The following ENPEP variants were observed in gnomAD, a reference collection of about 807,000 sequenced individuals.
ENPEP encodes the protein glutamyl aminopeptidase.
Under a neutral mutation model 114.5 loss-of-function variants are expected in ENPEP, and 103 were observed. The ratio of observed to expected loss-of-function variants is 0.90; its 90% CI spans 0.77 to 1.06. The LOEUF (loss-of-function observed/expected upper bound fraction) is 1.06, where lower values mean the gene tolerates loss of function less well. Among genes scored for constraint, ENPEP ranks in the 50% least tolerant of loss-of-function variants. The pLI, the probability that ENPEP is intolerant of heterozygous loss-of-function variation, is 0.00. For missense variants in ENPEP, 1,196 were observed against 1,161.3 expected (o/e 1.03, Z -0.43); for synonymous variants, 420 against 422.0 (o/e 1.00, Z 0.06).
At chr4:110,540,312 A>C (rs891592187) in intron 11 of ENPEP, among the ~76,000 whole-genome samples, 4 of 152,202 alleles carry the variant, frequency 2.6e-5, no homozygotes, top group African/African-American at 9.6e-5. Flanking sequence ...CACACACAAC[A>C]GGTAAAAAAC....
chr4:110,521,067 A>G (rs913825114), intron 10 of ENPEP, among the ~76,000 whole-genome samples: 1 of 152,130 alleles, frequency 6.6e-6, no homozygotes, highest in African/African-American at 2.4e-5. Flanking sequence ...TATTTGCAGG[A>G]TGGGTGGGCT....
chr4:110,504,272 A>C (rs1560556479), intron 3 of ENPEP, among the ~76,000 whole-genome samples: 1 of 152,176 alleles, frequency 6.6e-6, no homozygotes, highest in Non-Finnish European at 1.5e-5. Flanking sequence ...GAGCAGGGGT[A>C]ACAGGGGGTT....
chr4:110,518,415 C>T (rs1447655244), intron 8 of ENPEP, among the ~76,000 whole-genome samples: 1 of 152,076 alleles, frequency 6.6e-6, no homozygotes, highest in Non-Finnish European at 1.5e-5. Flanking sequence ...CTCACTGATT[C>T]CAACTAATAA....
At chr4:110,540,611 C>T (rs576937815) in intron 11 of ENPEP, among the ~76,000 whole-genome samples, 5 of 152,210 alleles carry the variant, frequency 3.3e-5, no homozygotes, top group Admixed American at 1.3e-4. Flanking sequence ...TCTCAGCTTC[C>T]TCATCTATAA....
Position 110,501,766 on chromosome 4 carries a change from C to T in ENPEP, c.919-4871C>T, listed in dbSNP as rs1021998069. 1.3e-4 allele frequency among the ~76,000 whole-genome samples: 20 copies of T among 152,250 alleles called. No individual in the cohort carries two copies. The East Asian group carries it at 2.7e-3, about 21-fold the overall frequency. The stretch of plus-strand genomic sequence containing the variant: ...GAACGTATGGAGGCCTGTGTCTTTA[C>T]GGCAGAACAGTTTATATTTCCTTGG... On this transcript the variant is annotated intron_variant, in intron 3 of 19. Coordinates refer to ENST00000265162, the MANE Select transcript of ENPEP (RefSeq NM_001977.4).
chr4:110,484,417 C>T (rs1423570253), intron 1 of ENPEP, among the ~76,000 whole-genome samples: 1 of 152,128 alleles, frequency 6.6e-6, no homozygotes, highest in East Asian at 1.9e-4. Flanking sequence ...TGGCTCTGAA[C>T]TTTAAAAAAG....
At chr4:110,553,193 C>A (rs1172385680) in intron 17 of ENPEP, 122 bp from the exon 18 acceptor site, 3 of 827,290 alleles carry the variant, frequency 3.6e-6, no homozygotes, top group East Asian at 5.5e-5. Context: ...ATTTAATTAA[C>A]TTTGTCAGTT....
At chr4:110,503,011 C>T (rs774931405) in intron 3 of ENPEP, among the ~76,000 whole-genome samples, 49 of 152,126 alleles carry the variant, frequency 3.2e-4, no homozygotes, top group Non-Finnish European at 5.9e-4. Flanking sequence ...CCCATTAACT[C>T]GTCATTTACA....
chr4:110,485,825 G>GT lies in ENPEP; in HGVS notation c.645-2705dup, dbSNP rs796072476. On this transcript the variant is annotated intron_variant, in intron 1 of 19. Coordinates refer to ENST00000265162, the MANE Select transcript of ENPEP (RefSeq NM_001977.4). ...TTTAAAAATGCAAGTTAAGTTTTTT[G>GT]TTTTTTTTTTTCTGTCAGGACTATC... Among the ~76,000 whole-genome samples the GT allele has an allele frequency of 1.5e-3, 220 of 144,848 alleles. 1 individual carries two copies. The highest frequency in any genetic ancestry group is 1.6e-3 in the African/African-American group (65 of 39,790).
chr4:110,476,919 G>A lies in ENPEP; in HGVS notation c.505G>A (p.Val169Met), dbSNP rs201187378. The A allele has an allele frequency of 2.1e-5, 34 of 1,614,072 alleles. No individual in the cohort carries two copies. The highest frequency in any genetic ancestry group is 2.6e-5 in the Non-Finnish European group (31 of 1,180,046). The change falls in exon 1 of 20, where the codon GTG becomes ATG. Residue 169 changes from valine to methionine, a missense_variant. Transcript: ENST00000265162. ...RCFEYKKQEY[V>M]VVEAEEELTP... ...TTTCGAGTACAAAAAGCAGGAGTAC[G>A]TGGTGGTCGAGGCGGAGGAAGAGCT...
chr4:110,564,063 T>G lies in ENPEP; in HGVS notation c.*2505T>G, dbSNP rs1727757072. 6.6e-6 allele frequency: 1 copy of G among 151,982 alleles called. No homozygotes were observed. Among genetic ancestry groups the G allele is most frequent in the Non-Finnish European group, 1.5e-5 (1 of 68,006 alleles). The allele number at this position is 151,982 out of a possible 1,614,324, so 9.4% of individuals were successfully genotyped here. A position where few individuals can be genotyped will look rare whatever the true frequency, so the allele number is the denominator to read the frequency against. ...GATTCAAATTACCAGTGGTGCTTTC[T>G]AAAACACGGTTAGGTAATCATCATC... On this transcript the variant is annotated 3_prime_UTR_variant, in exon 20 of 20. Coordinates refer to ENST00000265162, the MANE Select transcript of ENPEP (RefSeq NM_001977.4).
At chr4:110,539,514 T>C (rs556027220) in intron 11 of ENPEP, among the ~76,000 whole-genome samples, 1 of 152,266 alleles carries the variant, frequency 6.6e-6, no homozygotes, top group East Asian at 1.9e-4. Context: ...ATTTTGCATG[T>C]CATTAGTTAA....
At chr4:110,491,004 G>A (rs376774742) in intron 2 of ENPEP, 29 bp from the exon 3 acceptor site, 17 of 1,595,888 alleles carry the variant, frequency 1.1e-5, no homozygotes, top group Admixed American at 1.8e-5. Flanking sequence ...TATTTTGATC[G>A]ATAAAAGTTT....
chr4:110,559,862 G>T, intron 19 of ENPEP, 137 bp downstream of exon 19: 1 of 673,262 alleles, frequency 1.5e-6, no homozygotes, highest in Non-Finnish European at 2.6e-6. Flanking sequence ...TGCCATGGTG[G>T]TTTGCTGCAC....
rs757464988 is a variant in ENPEP, at chr4:110,491,067, C to T, written c.821C>T (p.Thr274Ile). The T allele has an allele frequency of 6.2e-7, 1 of 1,611,760 alleles. No individual in the cohort carries two copies. Among genetic ancestry groups the T allele is most frequent in the Non-Finnish European group, 8.5e-7 (1 of 1,179,628 alleles). Residue 274 changes from threonine (T) to isoleucine (I), a missense_variant, in exon 3 of 20, where the codon ACA becomes ATA. Thr to Ile is a moderately conservative substitution (Grantham distance 89). Transcript: ENST00000265162. ...EESVDDKWTR[T>I]TFEKSVPMST... Reference sequence around the variant, plus strand: ...TCAGTGGATGATAAATGGACTCGAACAACTTTTGAGAAGTCTGTCCCCATG... The same window carrying T: ...TCAGTGGATGATAAATGGACTCGAATAACTTTTGAGAAGTCTGTCCCCATG...
At chr4:110,480,743 A>G (rs551368616) in intron 1 of ENPEP, among the ~76,000 whole-genome samples, 65 of 152,302 alleles carry the variant, frequency 4.3e-4, no homozygotes, top group Non-Finnish European at 8.4e-4. Context: ...AAGAAAGGGG[A>G]CAAAATTTAG....
In ENPEP at chr4:110,506,745, C is replaced by G; in HGVS notation, c.1027C>G (p.Leu343Val). The change falls in exon 4 of 20, where the codon CTT becomes GTT. Residue 343 changes from leucine to valine, a missense_variant. Leu to Val is a conservative substitution (Grantham distance 32). Coordinates refer to ENST00000265162, the MANE Select transcript of ENPEP (RefSeq NM_001977.4). ...FEEYFAMNYS[L>V]PKLDKIAIPD... ...AGAATACTTTGCTATGAATTATTCT[C>G]TTCCTAAATTAGGTGAGGATCATTT... 6.3e-7 allele frequency: 1 copy of G among 1,574,980 alleles called. No individual in the cohort carries two copies. The highest frequency in any genetic ancestry group is 8.7e-7 in the Non-Finnish European group (1 of 1,152,252).
chr4:110,513,655 G>A lies in ENPEP; in HGVS notation c.1443+106G>A, dbSNP rs963980923. The A allele has an allele frequency of 2.2e-6, 3 of 1,390,084 alleles. No homozygotes were observed. In the African/African-American group the frequency reaches 4.3e-5, roughly 20 times the overall value. 86.1% of individuals were successfully genotyped at this position (1,390,084 alleles called of 1,614,324 possible). On this transcript the variant is annotated intron_variant, in intron 7 of 19. Coordinates refer to ENST00000265162, the MANE Select transcript of ENPEP (RefSeq NM_001977.4). ...TGGTCACACTGTGCCAGTGAGCTTT[G>A]GAAAACAGTGTAGAAGTTATTCTGA...
intron 11 of ENPEP, chr4:110,533,230 A>T (rs939500874): frequency 1.4e-5 from 4 of 287,044 alleles, no homozygotes; most frequent in Non-Finnish European, 2.9e-5. Flanking sequence ...TTTCCAGATA[A>T]CTAAAGCTTA....
Sources: gnomAD v4.1 joint callset for allele counts (sites outside exome capture counted in the v4.1 genomes callset) on GRCh38, gnomAD v4.1.1 for gene constraint, MANE v1.5 for transcripts, NCBI Gene and HGNC (gene_info 2026-07-23, HGNC 2026-07-21) for gene names.